The following CUX1 variants were observed in gnomAD, a reference collection of about 807,000 sequenced individuals.
CUX1 encodes the protein protein CASP.
CUX1 carries 31 observed loss-of-function variants against 158.8 expected under a neutral mutation model. That is an observed-to-expected ratio of 0.20 (90% CI 0.15 to 0.26). The LOEUF is 0.26. CUX1 is among the 10% of genes least tolerant of loss of function. The pLI, the probability that CUX1 is intolerant of heterozygous loss-of-function variation, is 1.00. For missense variants in CUX1, 1,589 were observed against 2,014.6 expected, an observed-to-expected ratio of 0.79 and a Z score of 4.04; for synonymous variants, 879 against 862.1, an observed-to-expected ratio of 1.02 and a Z score of -0.34.
At chr7:102,205,977 C>T (rs1431676685) in intron 20 of CUX1, among the ~76,000 whole-genome samples, 2 of 152,198 alleles carry the variant, frequency 1.3e-5, no homozygotes, top group Non-Finnish European at 2.9e-5. Flanking sequence ...AGCTGGTCCT[C>T]TTTTTCCCTT....
In CUX1 at chr7:101,916,114, G is replaced by T; in HGVS notation, c.31-1G>T. On this transcript the variant is annotated splice_acceptor_variant, in intron 1 of 23. Transcript: ENST00000292535. LOFTEE classifies it high-confidence loss of function. The surrounding 1 kb of genome is among the most constrained non-coding windows in gnomAD (Gnocchi z 4.4). The stretch of plus-strand genomic sequence containing the variant: ...CTTTTCCTTTCCTGTTTCCCCAACA[G>T]AGAGAACTCGATGCCACCGCAACGG... The T allele has an allele frequency of 6.2e-7, 1 of 1,608,434 alleles. No homozygotes were observed. Among genetic ancestry groups the T allele is most frequent in the South Asian group, 1.1e-5 (1 of 90,952 alleles).
intron 1 of CUX1, among the ~76,000 whole-genome samples, chr7:101,843,331 A>G (rs1462008719): frequency 6.6e-6 from 1 of 152,142 alleles, no homozygotes; most frequent in Non-Finnish European, 1.5e-5. Context: ...TGATAAGTGA[A>G]TTTAGCTGAG....
At chr7:102,203,959 C>G (rs1795704825) in intron 18 of CUX1, among the ~76,000 whole-genome samples, 1 of 152,236 alleles carries the variant, frequency 6.6e-6, no homozygotes, top group Non-Finnish European at 1.5e-5. Context: ...ACCAGCTTCG[C>G]CAGTCCCACC....
intron 2 of CUX1, among the ~76,000 whole-genome samples, chr7:101,930,854 T>C (rs890698951): frequency 6.6e-6 from 1 of 152,200 alleles, no homozygotes; most frequent in Non-Finnish European, 1.5e-5. Flanking sequence ...CCCAGCACTT[T>C]GGGAGGCTGA....
intron 3 of CUX1, among the ~76,000 whole-genome samples, chr7:102,028,919 G>A (rs984073539): frequency 7.9e-5 from 12 of 151,870 alleles, no homozygotes; most frequent in African/African-American, 2.9e-4. Context: ...ATCATAGCAG[G>A]CTGATAAGGA....
At chr7:101,943,148 C>G (rs1396610120) in intron 2 of CUX1, among the ~76,000 whole-genome samples, 2 of 149,678 alleles carry the variant, frequency 1.3e-5, no homozygotes, top group Non-Finnish European at 3.0e-5. Flanking sequence ...GCTCTGTCAC[C>G]CAGGCTGGAG....
At chr7:102,199,356 T>C (rs1245101228) in intron 16 of CUX1, among the ~76,000 whole-genome samples, 1 of 152,224 alleles carries the variant, frequency 6.6e-6, no homozygotes, top group Non-Finnish European at 1.5e-5. Flanking sequence ...CAGTGGTTCC[T>C]ATTTAGGAAG....
chr7:102,250,271 G>C lies in CUX1; in HGVS notation c.*1229G>C. ...TGCAAGCATTGAAAGAAAGGAGAGA[G>C]TAGTCCGGGCGAGCACAGCAGGCAG... is the stretch of plus-strand genomic sequence containing the variant. On this transcript the variant is annotated 3_prime_UTR_variant, in exon 24 of 24. Transcript: ENST00000292535. 1.0e-6 allele frequency: 1 copy of C among 985,430 alleles called. No homozygotes were observed. 61.0% of individuals were successfully genotyped at this position (985,430 alleles called of 1,614,324 possible). A position where few individuals can be genotyped will look rare whatever the true frequency, so the allele number is the denominator to read the frequency against.
chr7:102,132,455 A>G (rs1357413999), intron 8 of CUX1, among the ~76,000 whole-genome samples: 3 of 151,940 alleles, frequency 2.0e-5, no homozygotes, highest in African/African-American at 4.8e-5. Flanking sequence ...TTAAGTTGTT[A>G]TTCTCCGTAA....
intron 2 of CUX1, among the ~76,000 whole-genome samples, chr7:101,996,973 C>T (rs554338395): frequency 6.6e-6 from 1 of 151,718 alleles, no homozygotes; most frequent in African/African-American, 2.4e-5. Flanking sequence ...AATCGCTCCC[C>T]TGCGCTCGTG....
At chr7:102,095,601 C>T (rs922641320) in intron 4 of CUX1, among the ~76,000 whole-genome samples, 2 of 152,100 alleles carry the variant, frequency 1.3e-5, no homozygotes, top group Admixed American at 1.3e-4. Context: ...TTAACCGAGG[C>T]ATGGTAGACC....
intron 18 of CUX1, among the ~76,000 whole-genome samples, chr7:102,278,917 G>A (rs1424033523): frequency 9.2e-5 from 14 of 152,148 alleles, no homozygotes; most frequent in Admixed American, 7.2e-4. Flanking sequence ...GCACGTGCCT[G>A]TAGTCCCAGC....
rs533526761 is a variant in CUX1 at position 101,972,123 on chromosome 7, C to T, written c.141+55898C>T. 3.8e-4 allele frequency among the ~76,000 whole-genome samples: 58 copies of T among 152,264 alleles called. No individual in the cohort carries two copies. The South Asian group carries it at 0.011, about 29-fold the overall frequency. On this transcript the variant is annotated intron_variant, in intron 2 of 23. Transcript: ENST00000292535. Reference sequence around the variant, plus strand: ...CTGGGACTACAGGCGCCTGCCACCACGCCCAGCTAATTTTTTGTATTTTTA... The same window carrying T: ...CTGGGACTACAGGCGCCTGCCACCATGCCCAGCTAATTTTTTGTATTTTTA...
rs1393931988 is a variant in CUX1, at chr7:101,820,517, A to T, written c.30+2848A>T. ...CGTGAGTTATTGTAGAAATTACTTA[A>T]GACCTATTTAAAATTATTGAATACA... On this transcript the variant is annotated intron_variant, in intron 1 of 23. Transcript: ENST00000292535. Among the ~76,000 whole-genome samples the T allele has an allele frequency of 3.9e-5, 6 of 152,366 alleles. No homozygotes were observed. The South Asian group carries it at 8.3e-4, about 21-fold the overall frequency.
intron 23 of CUX1, among the ~76,000 whole-genome samples, chr7:102,241,461 G>A (rs402529): frequency 0.54 from 81,926 of 151,764 alleles, 22,927 homozygotes; most frequent in East Asian, 0.92. Flanking sequence ...ATGGCAGTGG[G>A]GCCCTCCCAG....
chr7:102,100,809 GAA>G (rs60927683), intron 5 of CUX1, among the ~76,000 whole-genome samples: 10 of 148,852 alleles, frequency 6.7e-5, no homozygotes, highest in Non-Finnish European at 1.0e-4. Flanking sequence ...CTTAAAAAAA[GAA>G]AAAAAAAAAG....
In CUX1 at chr7:102,096,936, C is replaced by T. The variant is rs191099834; in HGVS notation, c.269-428C>T. Reference sequence around the variant, plus strand: ...TCAGGCATCAGGTGTCACTTCCAGCCTCATAATCACTGGACCCTTAAACAT... The same window carrying T: ...TCAGGCATCAGGTGTCACTTCCAGCTTCATAATCACTGGACCCTTAAACAT... On this transcript the variant is annotated intron_variant, in intron 4 of 23. Transcript: ENST00000292535. Among the ~76,000 whole-genome samples, 635 of 152,354 alleles carry T rather than the reference C, an allele frequency of 4.2e-3. 3 individuals are homozygous for T. Among genetic ancestry groups the T allele is most frequent in the African/African-American group, 0.015 (612 of 41,582 alleles).
At chr7:102,113,042 C>G (rs1434607528) in intron 7 of CUX1, among the ~76,000 whole-genome samples, 11 of 151,996 alleles carry the variant, frequency 7.2e-5, no homozygotes, top group African/African-American at 2.7e-4. Flanking sequence ...AATGTAAAGG[C>G]TGTAAATCAA....
intron 11 of CUX1, among the ~76,000 whole-genome samples, chr7:102,181,553 A>G (rs1180539082): frequency 6.6e-6 from 1 of 152,230 alleles, no homozygotes; most frequent in Non-Finnish European, 1.5e-5. Context: ...TTTGCAAATT[A>G]ATGTTCGTTA....
Sources: allele counts gnomAD v4.1 joint callset (sites outside exome capture counted in the v4.1 genomes callset), GRCh38; gene constraint gnomAD v4.1.1; non-coding constraint Gnocchi (gnomAD v3.1); transcripts MANE v1.5; gene names NCBI Gene and HGNC (gene_info 2026-07-23, HGNC 2026-07-21).